ADGRV1: variants seen among roughly 807,000 people sequenced by gnomAD.
The protein encoded by ADGRV1 is adhesion G protein-coupled receptor V1, also known as G-protein coupled receptor 98.
A neutral mutation model predicts 596.2 loss-of-function variants in ADGRV1; 359 were observed. The observed-to-expected ratio is 0.60, with a 90% confidence interval of 0.55 to 0.66. The LOEUF (loss-of-function observed/expected upper bound fraction) is 0.66. Ranked by LOEUF, ADGRV1 falls within the 30% of genes least tolerant of loss-of-function variation. The pLI is 0.00. For synonymous variants in ADGRV1, 2,681 were observed against 2,679.2 expected, an observed-to-expected ratio of 1.00 and a Z score of -0.02; for missense variants, 7,274 against 7,575.6, an observed-to-expected ratio of 0.96 and a Z score of 1.48.
chr5:90,752,312 T>C (rs1017201837), intron 53 of ADGRV1, among the ~76,000 whole-genome samples: 17 of 152,180 alleles, frequency 1.1e-4, no homozygotes, highest in African/African-American at 4.1e-4. Flanking sequence ...TTAACTTTTA[T>C]TTTAAGTTCA....
Position 90,763,361 on chromosome 5 carries a change from G to A in ADGRV1, c.12177G>A (p.Thr4059=), listed in dbSNP as rs1309257379. ...ACCCTGATTCATATGTGACATTGAC[G>A]GTTGTCCGGTCCCCAGGAGGAAAAG... is the stretch of plus-strand genomic sequence containing the variant. ...SDDPDSYVTL[T]VVRSPGGKGT... Residue 4059 remains threonine (T), a synonymous_variant, in exon 59 of 90, where the codon ACG becomes ACA. Coordinates refer to ENST00000405460, the MANE Select transcript of ADGRV1 (RefSeq NM_032119.4). The A allele has an allele frequency of 1.3e-5, 21 of 1,611,700 alleles. No homozygotes were observed. In the East Asian group the frequency reaches 2.2e-4, roughly 17 times the overall value.
chr5:90,893,454 A>G (rs762037489), intron 83 of ADGRV1, among the ~76,000 whole-genome samples: 7 of 152,152 alleles, frequency 4.6e-5, no homozygotes, highest in Non-Finnish European at 8.8e-5. Flanking sequence ...ACGCAAGAGT[A>G]TATCAGGAGG....
At chr5:90,927,208 T>C (rs1004860015) in intron 83 of ADGRV1, among the ~76,000 whole-genome samples, 1 of 150,890 alleles carries the variant, frequency 6.6e-6, no homozygotes, top group African/African-American at 2.5e-5. Flanking sequence ...TCTGTCTCGT[T>C]GATCTGTTTA....
At position 90,777,926 on chromosome 5, in the gene ADGRV1, T is replaced by C; in HGVS notation, c.12549T>C (p.Ile4183=). The C allele has an allele frequency of 6.2e-7, 1 of 1,611,510 alleles. No homozygotes were observed. The highest frequency in any genetic ancestry group is 8.5e-7 in the Non-Finnish European group (1 of 1,178,278). Reference sequence around the variant, plus strand: ...GTAGCCTTGTTCGAGGCCCAGGGATTTTGGGGGAGGTCACAGTGTTCTGGA... The same window carrying C: ...GTAGCCTTGTTCGAGGCCCAGGGATCTTGGGGGAGGTCACAGTGTTCTGGA... The part of the protein sequence containing the change: ...AIISLVRGPG[I]LGEVTVFWRI... Residue 4183 remains isoleucine (I), a synonymous_variant, in exon 62 of 90, where the codon ATT becomes ATC. Coordinates refer to ENST00000405460, the MANE Select transcript of ADGRV1 (RefSeq NM_032119.4).
At chr5:91,098,851 G>A (rs1791116417) in intron 86 of ADGRV1, among the ~76,000 whole-genome samples, 1 of 150,822 alleles carries the variant, frequency 6.6e-6, no homozygotes, top group African/African-American at 2.5e-5. Flanking sequence ...AAATGTGCAT[G>A]TCCCTTTGTA....
At chr5:90,661,014 G>C (rs1391642028) in intron 21 of ADGRV1, among the ~76,000 whole-genome samples, 2 of 152,152 alleles carry the variant, frequency 1.3e-5, no homozygotes, top group African/African-American at 4.8e-5. Context: ...GCAGTTTAGG[G>C]TCCTGGTGAG....
intron 85 of ADGRV1, among the ~76,000 whole-genome samples, chr5:91,045,034 A>G (rs779828491): frequency 6.6e-6 from 1 of 152,098 alleles, no homozygotes; most frequent in African/African-American, 2.4e-5. Flanking sequence ...GGTAATTTGG[A>G]AGGAGAAGAG....
chr5:90,896,403 T>TG (rs1386300668), intron 83 of ADGRV1, among the ~76,000 whole-genome samples: 2 of 149,692 alleles, frequency 1.3e-5, no homozygotes, highest in African/African-American at 4.9e-5. Flanking sequence ...CCCAAGTAGG[T>TG]GGGACTACAG....
At chr5:90,675,577 G>A in intron 24 of ADGRV1, 132 bp downstream of exon 24, 1 of 897,962 alleles carries the variant, frequency 1.1e-6, no homozygotes, top group Non-Finnish European at 1.7e-6. Flanking sequence ...GGGAGGCAAA[G>A]GCGAGAGGAT....
At chr5:90,917,343 A>G (rs1481086574) in intron 83 of ADGRV1, among the ~76,000 whole-genome samples, 2 of 152,234 alleles carry the variant, frequency 1.3e-5, no homozygotes, top group Non-Finnish European at 2.9e-5. Context: ...TGATGTGCCT[A>G]CAACTAGATC....
Position 90,815,670 on chromosome 5 carries a change from G to T in ADGRV1, c.16130G>T (p.Gly5377Val), listed in dbSNP as rs1387862243. ...IIGFSEESQS[G>V]LELREGAVMR... is the part of the protein sequence containing the mutation. The stretch of plus-strand genomic sequence containing the variant: ...GGATTCAGTGAGGAGTCCCAGAGTG[G>T]ACTAGAACTCAGGGAAGGAGCTGTT... Residue 5377 changes from glycine to valine, a missense_variant, in exon 75 of 90, where the codon GGA (glycine) becomes GTA (valine). This residue lies in a region of ADGRV1 where 1,874 missense variants were observed against 1,970.2 expected (regional missense o/e 0.95). Transcript: ENST00000405460. 6.3e-7 allele frequency: 1 copy of T among 1,580,840 alleles called. No individual in the cohort carries two copies. The highest frequency in any genetic ancestry group is 8.6e-7 in the Non-Finnish European group (1 of 1,162,384).
intron 1 of ADGRV1, among the ~76,000 whole-genome samples, chr5:90,600,882 A>C (rs1761312824): frequency 6.6e-6 from 1 of 152,242 alleles, no homozygotes; most frequent in Non-Finnish European, 1.5e-5. Flanking sequence ...TCTTTTTAAA[A>C]ACAAAAATTA....
intron 83 of ADGRV1, among the ~76,000 whole-genome samples, chr5:90,884,969 C>T (rs917865539): frequency 9.9e-5 from 15 of 152,264 alleles, no homozygotes; most frequent in African/African-American, 3.6e-4. Context: ...TACAGGGGCA[C>T]TGAGGTCCTG....
intron 85 of ADGRV1, among the ~76,000 whole-genome samples, chr5:90,994,912 G>A (rs974953452): frequency 1.3e-5 from 2 of 152,176 alleles, no homozygotes; most frequent in Non-Finnish European, 2.9e-5. Context: ...GCATGTTGGG[G>A]CATGACTTCA....
At chr5:90,865,795 C>A (rs1256761957) in intron 83 of ADGRV1, among the ~76,000 whole-genome samples, 1 of 152,056 alleles carries the variant, frequency 6.6e-6, no homozygotes, top group African/African-American at 2.4e-5. Context: ...TTCTTAGACC[C>A]CCCAAAACAA....
chr5:91,040,549 G>T, intron 85 of ADGRV1, among the ~76,000 whole-genome samples: 1 of 152,192 alleles, frequency 6.6e-6, no homozygotes, highest in Admixed American at 6.5e-5. Context: ...TCTGCTTTAT[G>T]GATCTGCTTA....
intron 83 of ADGRV1, among the ~76,000 whole-genome samples, chr5:90,925,480 T>A (rs902768595): frequency 7.2e-5 from 11 of 152,224 alleles, no homozygotes; most frequent in Non-Finnish European, 4.4e-5. Flanking sequence ...TACATTGATT[T>A]TGTATCCTGA....
intron 85 of ADGRV1, among the ~76,000 whole-genome samples, chr5:91,069,606 A>G (rs560359795): frequency 8.7e-4 from 132 of 152,318 alleles, no homozygotes; most frequent in African/African-American, 2.9e-3. Flanking sequence ...AAGCCAAAAA[A>G]CAACAGATAT....
At chr5:91,017,849 G>T (rs1296552948) in intron 85 of ADGRV1, among the ~76,000 whole-genome samples, 1 of 151,814 alleles carries the variant, frequency 6.6e-6, no homozygotes, top group East Asian at 1.9e-4. Flanking sequence ...GTCCTCAGAG[G>T]ATTCTAATGC....
Sources: gnomAD v4.1 joint callset for allele counts (sites outside exome capture counted in the v4.1 genomes callset) on GRCh38, gnomAD v4.1.1 for gene constraint, gnomAD v4.1.1 regional missense constraint, MANE v1.5 for transcripts, NCBI Gene and HGNC (gene_info 2026-07-23, HGNC 2026-07-21) for gene names.